Variants in ULK4 observed in about 807,000 individuals in gnomAD.
ULK4 encodes unc-51 like kinase 4.
Under a neutral mutation model 160.6 loss-of-function variants are expected in ULK4, and 133 were observed. That is an observed-to-expected ratio of 0.83 (90% CI 0.72 to 0.96). The LOEUF (loss-of-function observed/expected upper bound fraction) is 0.96, where lower values mean the gene tolerates loss of function less well. ULK4 is among the 40% of genes least tolerant of loss of function. The probability of loss-of-function intolerance (pLI) is 0.00; values close to 1 mark genes in which losing one functional copy is unlikely to be tolerated. For missense variants in ULK4, 1,580 were observed against 1,499.5 expected (o/e 1.05, Z -0.89); for synonymous variants, 534 against 539.8 (o/e 0.99, Z 0.15).
intron 30 of ULK4, among the ~76,000 whole-genome samples, chr3:41,625,987 T>C (rs545358468): frequency 2.6e-5 from 4 of 152,346 alleles, no homozygotes; most frequent in African/African-American, 9.6e-5. Context: ...TAAAATATAC[T>C]GCACTTCCCA....
chr3:41,421,197 T>C (rs2082657463), intron 34 of ULK4, among the ~76,000 whole-genome samples: 1 of 152,128 alleles, frequency 6.6e-6, no homozygotes, highest in Non-Finnish European at 1.5e-5. Flanking sequence ...AATATGCTCT[T>C]TAGTAACAAC....
intron 32 of ULK4, among the ~76,000 whole-genome samples, chr3:41,564,520 G>A (rs546716795): frequency 7.6e-4 from 101 of 133,302 alleles, no homozygotes; most frequent in African/African-American, 2.8e-3. Flanking sequence ...GTGCAGTGGT[G>A]CAATCTCGGC....
At chr3:41,902,604 G>T (rs1350088971) in intron 12 of ULK4, among the ~76,000 whole-genome samples, 1 of 144,380 alleles carries the variant, frequency 6.9e-6, no homozygotes, top group African/African-American at 2.5e-5. Flanking sequence ...AAAAAAAAAG[G>T]CCCACAAAGA....
chr3:41,375,171 A>G (rs137977592), intron 35 of ULK4, among the ~76,000 whole-genome samples: 1 of 152,306 alleles, frequency 6.6e-6, no homozygotes, highest in African/African-American at 2.4e-5. Context: ...ATGGTCATGG[A>G]TAAGAAAAAT....
chr3:41,398,280 T>C lies in ULK4; in HGVS notation c.3493-16A>G. 13 of 1,605,932 alleles carry C rather than the reference T, an allele frequency of 8.1e-6. No homozygotes were observed. The highest frequency in any genetic ancestry group is 1.1e-5 in the Non-Finnish European group (13 of 1,177,822). On this transcript the variant is annotated splice_polypyrimidine_tract_variant and intron_variant, in intron 34 of 36. Coordinates refer to ENST00000301831, the MANE Select transcript of ULK4 (RefSeq NM_017886.4). Reference sequence around the variant, plus strand: ...CATTAGGAAGCTGAAAATTAACAAATAAGACTATTTAAATTTCCTTGAAGA... The same window carrying C: ...CATTAGGAAGCTGAAAATTAACAAACAAGACTATTTAAATTTCCTTGAAGA...
intron 32 of ULK4, among the ~76,000 whole-genome samples, chr3:41,467,993 C>G (rs560473787): frequency 6.6e-6 from 1 of 152,294 alleles, no homozygotes; most frequent in Non-Finnish European, 1.5e-5. Context: ...TAGAGAAATG[C>G]TTCAGGAAGA....
At chr3:41,371,884 C>A (rs929259798) in intron 35 of ULK4, among the ~76,000 whole-genome samples, 4 of 151,900 alleles carry the variant, frequency 2.6e-5, no homozygotes, top group African/African-American at 4.8e-5. Flanking sequence ...TGCAAGGAAG[C>A]TGAGAACCTT....
chr3:41,596,828 T>C (rs937713946), intron 31 of ULK4, among the ~76,000 whole-genome samples: 1 of 152,008 alleles, frequency 6.6e-6, no homozygotes, highest in Non-Finnish European at 1.5e-5. Flanking sequence ...CCAAGAAAGA[T>C]GGCAGACATC....
At chr3:41,819,586 T>A in intron 18 of ULK4, 80 bp from the exon 19 acceptor site, 1 of 1,220,102 alleles carries the variant, frequency 8.2e-7, no homozygotes. Flanking sequence ...ATGGCACAGC[T>A]CCAAGTATAC....
chr3:41,553,290 GA>G (rs2087149026), intron 32 of ULK4, among the ~76,000 whole-genome samples: 1 of 151,986 alleles, frequency 6.6e-6, no homozygotes, highest in Non-Finnish European at 1.5e-5. Flanking sequence ...GCATAGCAAA[GA>G]AAACAATCTA....
intron 34 of ULK4, among the ~76,000 whole-genome samples, chr3:41,435,142 T>C (rs190029546): frequency 5.9e-5 from 9 of 152,276 alleles, no homozygotes; most frequent in Admixed American, 3.9e-4. Context: ...AAGACAGAAA[T>C]AGCTTAAGCA....
chr3:41,287,676 C>T (rs1559505775), intron 35 of ULK4, among the ~76,000 whole-genome samples: 1 of 152,162 alleles, frequency 6.6e-6, no homozygotes, highest in Non-Finnish European at 1.5e-5. Context: ...CACCTGATTT[C>T]CCAGCTAGAG....
rs1348631197 is a variant in ULK4, at chr3:41,403,268, A to G, written c.3493-5004T>C. On this transcript the variant is annotated intron_variant, in intron 34 of 36. Transcript: ENST00000301831. ...GTTTGCTTTTTAGGAGTATTAAATT[A>G]TAAATTCAATTTCTTTAATGATTAT... is the stretch of plus-strand genomic sequence containing the variant. Among the ~76,000 whole-genome samples, 4 of 152,278 alleles carry G rather than the reference A, an allele frequency of 2.6e-5. No homozygotes were observed. In the South Asian group the frequency reaches 8.3e-4, roughly 32 times the overall value.
intron 6 of ULK4, among the ~76,000 whole-genome samples, chr3:41,918,854 A>T (rs528757431): frequency 1.3e-5 from 2 of 151,968 alleles, no homozygotes; most frequent in African/African-American, 4.8e-5. Context: ...GCCCGCCTCG[A>T]TCTCCCAAAG....
chr3:41,328,408 G>C (rs184443931), intron 35 of ULK4, among the ~76,000 whole-genome samples: 2 of 152,080 alleles, frequency 1.3e-5, no homozygotes, highest in Non-Finnish European at 2.9e-5. Flanking sequence ...TGCAAAAAAC[G>C]AGACAGTAGA....
intron 14 of ULK4, 98 bp downstream of exon 14, chr3:41,898,334 A>C: frequency 4.0e-6 from 3 of 744,394 alleles, no homozygotes; most frequent in Non-Finnish European, 6.5e-6. Flanking sequence ...AGACAAAATA[A>C]ATTTAGTTAT....
intron 32 of ULK4, among the ~76,000 whole-genome samples, chr3:41,480,797 G>A (rs997247726): frequency 6.6e-6 from 1 of 152,150 alleles, no homozygotes; most frequent in Non-Finnish European, 1.5e-5. Context: ...TGGTGGAAGG[G>A]GAAGCAAACA....
intron 30 of ULK4, among the ~76,000 whole-genome samples, chr3:41,642,565 A>C (rs1575517113): frequency 6.6e-6 from 1 of 152,216 alleles, no homozygotes. Context: ...TATATGTGCC[A>C]CATTTTCTTA....
At chr3:41,402,428 T>G (rs1347210817) in intron 34 of ULK4, among the ~76,000 whole-genome samples, 1 of 152,166 alleles carries the variant, frequency 6.6e-6, no homozygotes, top group Non-Finnish European at 1.5e-5. Flanking sequence ...CACTCTTGCC[T>G]TGTACCCAAT....
Sources: allele counts gnomAD v4.1 joint callset (sites outside exome capture counted in the v4.1 genomes callset), GRCh38; gene constraint gnomAD v4.1.1; transcripts MANE v1.5; gene names NCBI Gene and HGNC (gene_info 2026-07-23, HGNC 2026-07-21).